CA8: variants seen among roughly 807,000 people sequenced by gnomAD.
CA8 encodes the protein carbonic anhydrase-related protein.
A neutral mutation model predicts 41.4 loss-of-function variants in CA8; 22 were observed. The observed-to-expected ratio is 0.53, with a 90% CI of 0.38 to 0.76. The LOEUF (loss-of-function observed/expected upper bound fraction) is 0.76. CA8 is among the 30% of genes least tolerant of loss of function. CA8 has a pLI of 0.00. For missense variants in CA8, 270 were observed against 352.8 expected, an observed-to-expected ratio of 0.77 and a Z score of 1.88; for synonymous variants, 121 against 130.6, an observed-to-expected ratio of 0.93 and a Z score of 0.50.
intron 3 of CA8, among the ~76,000 whole-genome samples, chr8:60,239,871 C>T (rs549519399): frequency 3.7e-4 from 56 of 152,286 alleles, no homozygotes; most frequent in Admixed American, 6.5e-4. Flanking sequence ...TCTTGCCTGC[C>T]GCCATGTAAG....
intron 4 of CA8, among the ~76,000 whole-genome samples, chr8:60,227,441 C>T (rs531274942): frequency 3.9e-5 from 6 of 152,208 alleles, no homozygotes; most frequent in Non-Finnish European, 5.9e-5. Flanking sequence ...GTATTAGTTA[C>T]GTAAATGTCC....
At chr8:60,268,277 A>G (rs1309505227) in intron 2 of CA8, among the ~76,000 whole-genome samples, 1 of 152,150 alleles carries the variant, frequency 6.6e-6, no homozygotes, top group Non-Finnish European at 1.5e-5. Context: ...TCCTTCCCCA[A>G]AACCCCTTTA....
chr8:60,194,800 A>G (rs1806232902), intron 8 of CA8, among the ~76,000 whole-genome samples: 1 of 152,152 alleles, frequency 6.6e-6, no homozygotes, highest in African/African-American at 2.4e-5. Context: ...CTTCCAAAGT[A>G]TTGTGGCTGT....
intron 8 of CA8, among the ~76,000 whole-genome samples, chr8:60,204,352 T>C (rs956872989): frequency 2.6e-5 from 4 of 152,184 alleles, no homozygotes; most frequent in African/African-American, 9.6e-5. Context: ...GACATACAAG[T>C]TGGCCCATGA....
intron 4 of CA8, among the ~76,000 whole-genome samples, chr8:60,227,532 T>C (rs992588322): frequency 9.9e-5 from 13 of 131,116 alleles, no homozygotes; most frequent in African/African-American, 3.3e-4. Context: ...TACAAAATAC[T>C]GTTAAATATA....
rs1806053879 is a variant in CA8, at chr8:60,189,517, C to G, written c.*504G>C. On this transcript the variant is annotated 3_prime_UTR_variant, in exon 9 of 9. Coordinates refer to ENST00000317995, the MANE Select transcript of CA8 (RefSeq NM_004056.6). ...TAAAATGAGACATAATTTTACTAAT[C>G]ATTCACTTTGCATTTTGAAGCTCTA... 6.6e-6 allele frequency: 1 copy of G among 152,090 alleles called. No homozygotes were observed. The highest frequency in any genetic ancestry group is 6.6e-5 in the Admixed American group (1 of 15,254). The allele number at this position is 152,090 out of a possible 1,614,324, so 9.4% of individuals were successfully genotyped here.
At chr8:60,201,658 T>C (rs748933880) in intron 8 of CA8, among the ~76,000 whole-genome samples, 1 of 152,138 alleles carries the variant, frequency 6.6e-6, no homozygotes, top group African/African-American at 2.4e-5. Context: ...ATATCTAAAA[T>C]ATGAAAAAGA....
rs79223564 is a variant in CA8 at position 60,236,635 on chromosome 8, G to A, written c.418-4256C>T. 3.1e-3 allele frequency among the ~76,000 whole-genome samples: 478 copies of A among 152,176 alleles called. 1 individual carries two copies. Among genetic ancestry groups the A allele is most frequent in the African/African-American group, 0.011 (444 of 41,518 alleles). On this transcript the variant is annotated intron_variant, in intron 3 of 8. Coordinates refer to ENST00000317995, the MANE Select transcript of CA8 (RefSeq NM_004056.6). ...AAAACATGATCCCTTTGGGGAGGGG[G>A]GATGAAGTGACAAAACAATCCTCTG...
At chr8:60,269,154 T>G (rs921652381) in intron 2 of CA8, among the ~76,000 whole-genome samples, 1 of 152,248 alleles carries the variant, frequency 6.6e-6, no homozygotes, top group Non-Finnish European at 1.5e-5. Flanking sequence ...ATTGTGTTTA[T>G]GGACTAAAAA....
At position 60,232,307 on chromosome 8, in the gene CA8, C is replaced by T. The variant is rs746839542; in HGVS notation, c.490G>A (p.Ala164Thr). Residue 164 changes from alanine (A) to threonine (T), a missense_variant, in exon 4 of 9, where the codon GCC becomes ACC. Ala to Thr is a moderately conservative substitution (Grantham distance 58). Around this residue, in one of 3 missense-constraint regions of CA8, gnomAD observed 141 missense variants for 191.6 expected, o/e 0.74. Coordinates refer to ENST00000317995, the MANE Select transcript of CA8 (RefSeq NM_004056.6). ...DEAVGKPHGI[A>T]IIALFVQIGK... is the part of the protein sequence containing the mutation. Reference sequence around the variant, plus strand: ...ACCTGAACAAACAGAGCAATGATGGCGATTCCGTGCGGCTTCCCCACAGCC... The same window carrying T: ...ACCTGAACAAACAGAGCAATGATGGTGATTCCGTGCGGCTTCCCCACAGCC... The T allele has an allele frequency of 6.8e-6, 11 of 1,613,060 alleles. No homozygotes were observed. Among genetic ancestry groups the T allele is most frequent in the Admixed American group, 5.0e-5 (3 of 60,002 alleles).
At chr8:60,214,184 T>C (rs970318610) in intron 7 of CA8, among the ~76,000 whole-genome samples, 1 of 152,230 alleles carries the variant, frequency 6.6e-6, no homozygotes, top group Non-Finnish European at 1.5e-5. Flanking sequence ...CTCACAGTTC[T>C]GGAGGCTGGA....
intron 8 of CA8, chr8:60,208,460 G>A (rs536060521): frequency 2.6e-6 from 1 of 383,540 alleles, no homozygotes; most frequent in Admixed American, 3.8e-5. Flanking sequence ...ATGCATGCAT[G>A]TCACTTTTTC....
chr8:60,209,044 T>C, intron 7 of CA8, 125 bp from the exon 8 acceptor site: 1 of 1,132,978 alleles, frequency 8.8e-7, no homozygotes, highest in South Asian at 1.5e-5. Context: ...AAATTAAAAT[T>C]AAGCTTCAAA....
Position 60,227,101 on chromosome 8 carries a change from C to T in CA8, c.514-166G>A, listed in dbSNP as rs573040884. 8.5e-5 allele frequency among the ~76,000 whole-genome samples: 13 copies of T among 152,240 alleles called. No homozygotes were observed. In the East Asian group the frequency reaches 9.7e-4, roughly 11 times the overall value. ...GGTTAGGAGATCGAGGCCATCCTGG[C>T]TACCACAGTGAAACCCTGTCTCTAC... On this transcript the variant is annotated intron_variant, in intron 4 of 8. Coordinates refer to ENST00000317995, the MANE Select transcript of CA8 (RefSeq NM_004056.6).
intron 7 of CA8, among the ~76,000 whole-genome samples, chr8:60,221,122 G>C (rs995282936): frequency 5.3e-5 from 8 of 152,186 alleles, no homozygotes; most frequent in Admixed American, 2.6e-4. Flanking sequence ...CCCAAATCTA[G>C]ATATCGTGAA....
At chr8:60,190,432 A>AATATATATATAT (rs57878452) in intron 8 of CA8, among the ~76,000 whole-genome samples, 30 of 99,330 alleles carry the variant, frequency 3.0e-4, no homozygotes, top group Non-Finnish European at 5.2e-4. Context: ...ATAAATGCAG[A>AATATATATATAT]ATATATATAT....
intron 3 of CA8, among the ~76,000 whole-genome samples, chr8:60,255,006 G>A (rs79819088): frequency 0.084 from 12,746 of 152,130 alleles, 662 homozygotes; most frequent in Middle Eastern, 0.17. Context: ...TCTTGCTAGC[G>A]TCCAGTGCCA....
chr8:60,186,080 A>G lies in CA8; in HGVS notation c.*3941T>C, dbSNP rs1323672279. Among the ~76,000 whole-genome samples the G allele has an allele frequency of 6.6e-6, 1 of 152,146 alleles. No homozygotes were observed. Among genetic ancestry groups the G allele is most frequent in the Non-Finnish European group, 1.5e-5 (1 of 67,970 alleles). ...CACCAGATGGTGACTCAAATTTACA[A>G]GACAAAATGAACATAACCAGAAATG... On this transcript the variant is annotated 3_prime_UTR_variant, in exon 9 of 9. Coordinates refer to ENST00000317995, the MANE Select transcript of CA8 (RefSeq NM_004056.6).
At chr8:60,266,182 G>T in intron 2 of CA8, 133 bp from the exon 3 acceptor site, 1 of 794,714 alleles carries the variant, frequency 1.3e-6, no homozygotes, top group Non-Finnish European at 1.9e-6. Context: ...GCCAAAATGA[G>T]AAATTTATCA....
Sources: gnomAD v4.1 joint callset for allele counts (sites outside exome capture counted in the v4.1 genomes callset) on GRCh38, gnomAD v4.1.1 for gene constraint, gnomAD v4.1.1 regional missense constraint, MANE v1.5 for transcripts, NCBI Gene and HGNC (gene_info 2026-07-23, HGNC 2026-07-21) for gene names.